The following RAB6B variants were observed in gnomAD, a reference collection of about 807,000 sequenced individuals.
The protein encoded by RAB6B is ras-related protein Rab-6B.
Under a neutral mutation model 31.2 loss-of-function variants are expected in RAB6B, and 7 were observed. The ratio of observed to expected loss-of-function variants is 0.22; its 90% CI spans 0.13 to 0.42. The LOEUF (loss-of-function observed/expected upper bound fraction) is 0.42. Ranked by LOEUF, RAB6B falls within the 10% of genes least tolerant of loss-of-function variation. The pLI, the probability that RAB6B is intolerant of heterozygous loss-of-function variation, is 1.00. For synonymous variants in RAB6B, 105 were observed against 104.9 expected (o/e 1.00, Z -0.01); for missense variants, 149 against 280.6 (o/e 0.53, Z 3.35).
intron 1 of RAB6B, among the ~76,000 whole-genome samples, chr3:133,870,215 G>A (rs986575883): frequency 6.6e-6 from 1 of 152,166 alleles, no homozygotes; most frequent in African/African-American, 2.4e-5. Flanking sequence ...AAGGCAGCGG[G>A]ACAGAGTGAG....
chr3:133,842,668 C>A (rs888238916), intron 2 of RAB6B, among the ~76,000 whole-genome samples: 1 of 152,230 alleles, frequency 6.6e-6, no homozygotes, highest in East Asian at 1.9e-4. Flanking sequence ...CATCATGTGG[C>A]GAGTGATCCC....
chr3:133,881,871 C>G (rs1304647694), intron 1 of RAB6B, among the ~76,000 whole-genome samples: 1 of 152,210 alleles, frequency 6.6e-6, no homozygotes, highest in African/African-American at 2.4e-5. Context: ...AATCTTCACC[C>G]TATCTGTATT....
At chr3:133,885,724 C>T in intron 1 of RAB6B, 2 of 662,894 alleles carry the variant, frequency 3.0e-6, no homozygotes, top group Non-Finnish European at 2.7e-6. Context: ...CATCTGCGTA[C>T]AGTGTGGCCT....
intron 1 of RAB6B, among the ~76,000 whole-genome samples, chr3:133,887,537 T>C (rs1407233422): frequency 6.6e-6 from 1 of 152,222 alleles, no homozygotes; most frequent in Non-Finnish European, 1.5e-5. Context: ...GGGAGTGTTA[T>C]TGGCTTGGCC....
intron 1 of RAB6B, among the ~76,000 whole-genome samples, chr3:133,866,675 G>C (rs12629931): frequency 0.15 from 23,301 of 152,310 alleles, 2,030 homozygotes; most frequent in Admixed American, 0.25. Flanking sequence ...GTGAGAAGTA[G>C]GGGGCCTCCC....
chr3:133,869,614 A>C (rs957749243), intron 1 of RAB6B, among the ~76,000 whole-genome samples: 1 of 152,212 alleles, frequency 6.6e-6, no homozygotes, highest in Non-Finnish European at 1.5e-5. Context: ...ACATTCCATC[A>C]GGGGGTGAAT....
At chr3:133,877,049 C>G (rs530852810) in intron 1 of RAB6B, among the ~76,000 whole-genome samples, 13 of 152,196 alleles carry the variant, frequency 8.5e-5, no homozygotes, top group East Asian at 7.7e-4. Flanking sequence ...AATGATGACC[C>G]CTGAGATACA....
At chr3:133,846,315 C>T (rs988755436) in intron 2 of RAB6B, among the ~76,000 whole-genome samples, 7 of 152,106 alleles carry the variant, frequency 4.6e-5, no homozygotes, top group African/African-American at 1.4e-4. Flanking sequence ...GGTATCTTGG[C>T]GGACGCCTGT....
At chr3:133,851,529 G>C (rs746679244) in intron 2 of RAB6B, among the ~76,000 whole-genome samples, 4 of 152,212 alleles carry the variant, frequency 2.6e-5, no homozygotes, top group Non-Finnish European at 4.4e-5. Context: ...CAAAGGCCTA[G>C]ACAGGCAAAG....
chr3:133,863,673 T>C (rs1248336122), intron 2 of RAB6B, among the ~76,000 whole-genome samples: 1 of 152,082 alleles, frequency 6.6e-6, no homozygotes, highest in Non-Finnish European at 1.5e-5. Context: ...CTGTACAAGC[T>C]CTGAACCCAC....
intron 1 of RAB6B, among the ~76,000 whole-genome samples, chr3:133,884,518 G>A (rs538194856): frequency 6.6e-6 from 1 of 152,364 alleles, no homozygotes; most frequent in Non-Finnish European, 1.5e-5. Flanking sequence ...GGGGACTCCG[G>A]AGCTTGCTGG....
intron 1 of RAB6B, among the ~76,000 whole-genome samples, chr3:133,884,977 C>T (rs1418339589): frequency 3.4e-5 from 5 of 147,644 alleles, no homozygotes; most frequent in Admixed American, 2.0e-4. Context: ...GGGACTCACA[C>T]ACCAAATAAC....
At chr3:133,862,200 C>G (rs978905051) in intron 2 of RAB6B, among the ~76,000 whole-genome samples, 1 of 151,890 alleles carries the variant, frequency 6.6e-6, no homozygotes, top group Admixed American at 6.6e-5. Flanking sequence ...CTCTTGTCAC[C>G]ACACTGGGTC....
At chr3:133,840,842 C>T (rs1935815665) in intron 4 of RAB6B, among the ~76,000 whole-genome samples, 1 of 152,146 alleles carries the variant, frequency 6.6e-6, no homozygotes, top group African/African-American at 2.4e-5. Context: ...TGCCTACCTT[C>T]CCAGGGAGTC....
intron 1 of RAB6B, among the ~76,000 whole-genome samples, chr3:133,889,438 A>ATCTATATC (rs1388326610): frequency 9.9e-5 from 7 of 70,760 alleles, no homozygotes; most frequent in Admixed American, 3.1e-4. Context: ...ATATATATAT[A>ATCTATATC]TATATATTTA....
In RAB6B at chr3:133,895,663, G is replaced by T. The variant is rs1318887159; in HGVS notation, c.-197C>A. 1.7e-6 allele frequency: 1 copy of T among 600,538 alleles called. No individual in the cohort carries two copies. The highest frequency in any genetic ancestry group is 2.9e-6 in the Non-Finnish European group (1 of 343,140). 37.2% of individuals were successfully genotyped at this position (600,538 alleles called of 1,614,324 possible). Reference sequence around the variant, plus strand: ...GTGTCCGGCGGCGGAGGAGGAGGAGGAGAGAGAGGCGGAGGCGGAGGAAGG... The same window carrying T: ...GTGTCCGGCGGCGGAGGAGGAGGAGTAGAGAGAGGCGGAGGCGGAGGAAGG... On this transcript the variant is annotated 5_prime_UTR_variant, in exon 1 of 8. Coordinates refer to ENST00000285208, the MANE Select transcript of RAB6B (RefSeq NM_016577.4).
chr3:133,850,338 C>T (rs1935960306), intron 2 of RAB6B, among the ~76,000 whole-genome samples: 1 of 151,994 alleles, frequency 6.6e-6, no homozygotes, highest in South Asian at 2.1e-4. Flanking sequence ...AAATGTCAGC[C>T]ATATTCAAGA....
chr3:133,876,033 A>C (rs73217258), intron 1 of RAB6B, among the ~76,000 whole-genome samples: 24,225 of 152,238 alleles, frequency 0.16, 2,247 homozygotes, highest in Middle Eastern at 0.22. Flanking sequence ...TAAAGTAGCT[A>C]TGTATCAATA....
At chr3:133,844,492 T>C (rs1274289432) in intron 2 of RAB6B, among the ~76,000 whole-genome samples, 1 of 152,256 alleles carries the variant, frequency 6.6e-6, no homozygotes, top group East Asian at 1.9e-4. Context: ...TGGGTGTAAC[T>C]GAGCCCTCAG....
Sources: allele counts gnomAD v4.1 joint callset (sites outside exome capture counted in the v4.1 genomes callset), GRCh38; gene constraint gnomAD v4.1.1; transcripts MANE v1.5; gene names NCBI Gene and HGNC (gene_info 2026-07-23, HGNC 2026-07-21).